The following ADGRL3 variants were observed in gnomAD, a reference collection of about 807,000 sequenced individuals.
ADGRL3 encodes calcium-independent alpha-latrotoxin receptor 3.
In ADGRL3, 62 loss-of-function variants were observed where a neutral mutation model predicts 153.5. The observed-to-expected ratio is 0.40, with a 90% CI of 0.33 to 0.50. The LOEUF (loss-of-function observed/expected upper bound fraction) is 0.50. Among genes scored for constraint, ADGRL3 ranks in the 20% least tolerant of loss-of-function variants. ADGRL3 has a pLI of 0.47. For missense variants in ADGRL3, 1,641 were observed against 1,859.4 expected, an observed-to-expected ratio of 0.88 and a Z score of 2.16; for synonymous variants, 710 against 672.5, an observed-to-expected ratio of 1.06 and a Z score of -0.86.
chr4:61,406,828 A>G (rs909932544), intron 2 of ADGRL3, among the ~76,000 whole-genome samples: 2 of 152,002 alleles, frequency 1.3e-5, no homozygotes, highest in Admixed American at 6.6e-5. Context: ...TTGTTCTTTA[A>G]TAGGTGAGCT....
chr4:61,397,005 A>G (rs1253197492), intron 2 of ADGRL3, among the ~76,000 whole-genome samples: 1 of 151,212 alleles, frequency 6.6e-6, no homozygotes, highest in Admixed American at 6.6e-5. Context: ...TCAGGAAAAT[A>G]AAGGTTTATA....
intron 4 of ADGRL3, among the ~76,000 whole-genome samples, chr4:61,518,527 G>A (rs2098511092): frequency 6.6e-6 from 1 of 152,194 alleles, no homozygotes; most frequent in South Asian, 2.1e-4. Flanking sequence ...CCTAAGGGAG[G>A]TGCATCATTA....
At position 61,497,221 on chromosome 4, in the gene ADGRL3, T is replaced by C; in HGVS notation, c.-73T>C. 1.2e-6 allele frequency: 1 copy of C among 853,266 alleles called. No individual in the cohort carries two copies. Among genetic ancestry groups the C allele is most frequent in the East Asian group, 2.7e-5 (1 of 36,888 alleles). 52.9% of individuals were successfully genotyped at this position (853,266 alleles called of 1,614,324 possible). A position where few individuals can be genotyped will look rare whatever the true frequency, so the allele number is the denominator to read the frequency against. Reference sequence around the variant, plus strand: ...CAGTCTTGGAATACAGAAGAGAAACTAGAAATATACGTATTTTGTTTCACA... The same window carrying C: ...CAGTCTTGGAATACAGAAGAGAAACCAGAAATATACGTATTTTGTTTCACA... On this transcript the variant is annotated 5_prime_UTR_variant, in exon 3 of 27. Transcript: ENST00000683033.
chr4:61,947,825 A>G (rs2098931806), intron 16 of ADGRL3, among the ~76,000 whole-genome samples: 1 of 152,190 alleles, frequency 6.6e-6, no homozygotes, highest in African/African-American at 2.4e-5. Context: ...TGCAATGTGT[A>G]TTAGAATTAG....
chr4:61,293,213 A>C (rs2094289362), intron 1 of ADGRL3, among the ~76,000 whole-genome samples: 1 of 152,076 alleles, frequency 6.6e-6, no homozygotes, highest in Non-Finnish European at 1.5e-5. Context: ...TGGGAAACAG[A>C]CTCACCAGAA....
intron 1 of ADGRL3, among the ~76,000 whole-genome samples, chr4:61,370,016 T>C (rs2096489067): frequency 1.3e-5 from 2 of 152,094 alleles, no homozygotes; most frequent in African/African-American, 4.8e-5. Context: ...TTTATTTGCA[T>C]AGAGGTGTTT....
chr4:62,024,611 A>G (rs1343747514), intron 21 of ADGRL3, among the ~76,000 whole-genome samples: 1 of 152,066 alleles, frequency 6.6e-6, no homozygotes, highest in African/African-American at 2.4e-5. Flanking sequence ...AATTATTAAT[A>G]TTTTACTCAG....
chr4:61,887,143 G>T (rs888622127), intron 9 of ADGRL3, among the ~76,000 whole-genome samples: 1 of 152,032 alleles, frequency 6.6e-6, no homozygotes, highest in African/African-American at 2.4e-5. Flanking sequence ...GTGATTACAG[G>T]CATGAGCCAC....
intron 9 of ADGRL3, among the ~76,000 whole-genome samples, chr4:61,822,983 C>T (rs1360582345): frequency 6.6e-6 from 1 of 152,112 alleles, no homozygotes; most frequent in African/African-American, 2.4e-5. Flanking sequence ...TGTTGATTCT[C>T]CCCTTGATCA....
intron 4 of ADGRL3, among the ~76,000 whole-genome samples, chr4:61,518,561 C>T (rs1029595838): frequency 6.6e-6 from 1 of 152,160 alleles, no homozygotes; most frequent in Non-Finnish European, 1.5e-5. Context: ...TTGAGAGACC[C>T]GTGAGAGTTA....
intron 5 of ADGRL3, among the ~76,000 whole-genome samples, chr4:61,646,529 C>A (rs186762017): frequency 6.6e-6 from 1 of 150,834 alleles, no homozygotes; most frequent in Non-Finnish European, 1.5e-5. Context: ...TGTTGGAGTA[C>A]TGGGCCCTGT....
intron 2 of ADGRL3, among the ~76,000 whole-genome samples, chr4:61,456,106 C>T (rs1451082194): frequency 1.3e-5 from 2 of 151,688 alleles, no homozygotes; most frequent in Admixed American, 6.6e-5. Context: ...GCCCGGCCGA[C>T]CCTACATTAT....
chr4:61,819,031 T>C (rs2148693322), intron 9 of ADGRL3, among the ~76,000 whole-genome samples: 1 of 152,308 alleles, frequency 6.6e-6, no homozygotes, highest in Non-Finnish European at 1.5e-5. Context: ...TATCATTAGC[T>C]TGGAACTATA....
At chr4:61,810,774 G>A (rs1378231533) in intron 8 of ADGRL3, among the ~76,000 whole-genome samples, 2 of 151,872 alleles carry the variant, frequency 1.3e-5, no homozygotes, top group African/African-American at 4.8e-5. Flanking sequence ...CAGAACAAAA[G>A]GTTTTTTTAT....
chr4:61,301,355 A>G (rs1307050957), intron 1 of ADGRL3, among the ~76,000 whole-genome samples: 1 of 152,196 alleles, frequency 6.6e-6, no homozygotes, highest in Non-Finnish European at 1.5e-5. Context: ...TTTAAGAAAT[A>G]TTGTCTGTAC....
intron 9 of ADGRL3, among the ~76,000 whole-genome samples, chr4:61,824,683 A>G (rs2097785380): frequency 6.6e-6 from 1 of 152,158 alleles, no homozygotes; most frequent in Non-Finnish European, 1.5e-5. Flanking sequence ...CCTGCTGCAT[A>G]TCCACAGCTG....
intron 2 of ADGRL3, among the ~76,000 whole-genome samples, chr4:61,386,908 G>T (rs942686865): frequency 1.3e-5 from 2 of 152,080 alleles, no homozygotes; most frequent in African/African-American, 4.8e-5. Flanking sequence ...TATATATAAT[G>T]AATTCAGTCC....
At chr4:61,846,666 A>T (rs1208910993) in intron 9 of ADGRL3, among the ~76,000 whole-genome samples, 1 of 152,098 alleles carries the variant, frequency 6.6e-6, no homozygotes, top group East Asian at 1.9e-4. Flanking sequence ...GAGACTGGGT[A>T]ATTTATAAAG....
At chr4:61,681,224 A>G (rs1419618673) in intron 6 of ADGRL3, among the ~76,000 whole-genome samples, 2 of 152,116 alleles carry the variant, frequency 1.3e-5, no homozygotes, top group Admixed American at 1.3e-4. Context: ...AGAGAAGGCA[A>G]TAAAACAACT....
Sources: allele counts gnomAD v4.1 joint callset (sites outside exome capture counted in the v4.1 genomes callset), GRCh38; gene constraint gnomAD v4.1.1; transcripts MANE v1.5; gene names NCBI Gene and HGNC (gene_info 2026-07-23, HGNC 2026-07-21).